The following CFAP44 variants were observed in gnomAD, a reference collection of about 807,000 sequenced individuals.
CFAP44 encodes the protein cilia and flagella associated protein 44.
CFAP44 carries 134 observed loss-of-function variants against 216.2 expected under a neutral mutation model. That is an observed-to-expected ratio of 0.62 (90% CI 0.54 to 0.72). The LOEUF is 0.72. Among genes scored for constraint, CFAP44 ranks in the 30% least tolerant of loss-of-function variants. The pLI, the probability that CFAP44 is intolerant of heterozygous loss-of-function variation, is 0.00. For synonymous variants in CFAP44, 700 were observed against 727.6 expected, an observed-to-expected ratio of 0.96 and a Z score of 0.61; for missense variants, 2,035 against 2,182.1, an observed-to-expected ratio of 0.93 and a Z score of 1.34.
In CFAP44 at chr3:113,303,949, G is replaced by A. The variant is rs1350590190; in HGVS notation, c.5044C>T (p.Arg1682Ter). The A allele has an allele frequency of 5.9e-6, 9 of 1,537,376 alleles. No homozygotes were observed. Among genetic ancestry groups the A allele is most frequent in the East Asian group, 2.4e-5 (1 of 40,920 alleles). The stretch of plus-strand genomic sequence containing the variant: ...GTTTTTGTCATTTCTCTCTTTTCTC[G>A]GATGAGCTGTTTACGTCTCTCTCTC... ...EWRERRKQLI[R>*]EKREMTKTIH... The change falls in exon 32 of 35, where the codon CGA becomes TGA. Residue 1682 changes from arginine to a stop codon, truncating the protein, a stop_gained. Coordinates refer to ENST00000393845, the MANE Select transcript of CFAP44 (RefSeq NM_001164496.2). LOFTEE classifies it high-confidence loss of function.
At chr3:113,294,027 A>G in intron 34 of CFAP44, 1 of 456,702 alleles carries the variant, frequency 2.2e-6, no homozygotes, top group Middle Eastern at 3.3e-4. Context: ...AGCTTAGACC[A>G]TTTCCAGGGT....
intron 25 of CFAP44, among the ~76,000 whole-genome samples, chr3:113,332,279 TA>T (rs1441554298): frequency 6.6e-6 from 1 of 152,202 alleles, no homozygotes; most frequent in Non-Finnish European, 1.5e-5. Context: ...TGGTCATTAC[TA>T]AAATGTCCAA....
rs774445732 is a variant in CFAP44 at position 113,420,055 on chromosome 3, G to A, written c.532C>T (p.Leu178=). The change falls in exon 5 of 35, where the codon CTG becomes TTG. Residue 178 remains leucine, a synonymous_variant. Transcript: ENST00000393845. ...LNLKTKEQIY[L]RSSSGEGIGV... ...ATTCCTTCACCACTGCTACTTCGCA[G>A]GTAGATCTGTTCCTTGGTTTTCAAA... 1 of 1,613,674 alleles carries A rather than the reference G, an allele frequency of 6.2e-7. No individual in the cohort carries two copies. Among genetic ancestry groups the A allele is most frequent in the Admixed American group, 1.7e-5 (1 of 59,970 alleles).
chr3:113,350,388 G>C (rs1480651272), intron 22 of CFAP44, among the ~76,000 whole-genome samples: 1 of 152,000 alleles, frequency 6.6e-6, no homozygotes, highest in African/African-American at 2.4e-5. Flanking sequence ...AAGTCAAAGA[G>C]AGAGAGGAAG....
In CFAP44 at chr3:113,305,037, T is replaced by C. The variant is rs748163260; in HGVS notation, c.4874A>G (p.Gln1625Arg). Reference protein sequence around the residue: ...LLVVIPLKLHQIEYVVFGEIP... With the variant: ...LLVVIPLKLHRIEYVVFGEIP... ...GAGCAGCCTCCCCAGACGCATCACCTGGTGGAGCTTGAGCGGAATCACAAC... is the reference window on the plus strand; with the variant it reads ...GAGCAGCCTCCCCAGACGCATCACCCGGTGGAGCTTGAGCGGAATCACAAC... Residue 1625 changes from glutamine (Q) to arginine (R), a missense_variant and splice_region_variant, in exon 31 of 35, where the codon CAG becomes CGG. Coordinates refer to ENST00000393845, the MANE Select transcript of CFAP44 (RefSeq NM_001164496.2). 6.5e-7 allele frequency: 1 copy of C among 1,537,172 alleles called. No individual in the cohort carries two copies. The highest frequency in any genetic ancestry group is 1.2e-5 in the South Asian group (1 of 84,058).
chr3:113,305,208 A>T, intron 30 of CFAP44, 56 bp from the exon 31 acceptor site: 1 of 1,427,202 alleles, frequency 7.0e-7, no homozygotes. Flanking sequence ...CATACATCTA[A>T]AGATGGTGAA....
intron 19 of CFAP44, among the ~76,000 whole-genome samples, chr3:113,365,301 A>T (rs1022194881): frequency 3.3e-5 from 5 of 152,158 alleles, no homozygotes; most frequent in African/African-American, 9.7e-5. Flanking sequence ...TCTTCCCTAC[A>T]TTCTTTATGT....
At chr3:113,361,262 T>G (rs1337066199) in intron 21 of CFAP44, 1 of 219,650 alleles carries the variant, frequency 4.6e-6, no homozygotes, top group Non-Finnish European at 9.9e-6. Flanking sequence ...GTCCTACTTT[T>G]GGCATGCCTG....
chr3:113,408,866 A>C (rs1343255310), intron 7 of CFAP44, among the ~76,000 whole-genome samples: 3 of 127,012 alleles, frequency 2.4e-5, no homozygotes, highest in African/African-American at 8.5e-5. Context: ...TCCATTTCAA[A>C]AAAAAAAAAA....
chr3:113,306,544 T>C (rs148002022), intron 29 of CFAP44, among the ~76,000 whole-genome samples: 1 of 152,318 alleles, frequency 6.6e-6, no homozygotes, highest in East Asian at 1.9e-4. Context: ...TTGTGAGCAG[T>C]ACTCTGAAGC....
intron 8 of CFAP44, among the ~76,000 whole-genome samples, chr3:113,405,924 C>T (rs897214562): frequency 1.3e-5 from 2 of 152,238 alleles, no homozygotes; most frequent in African/African-American, 4.8e-5. Flanking sequence ...CTCCTATATA[C>T]CATGCTTTTG....
At chr3:113,416,172 C>A (rs1286571837) in intron 6 of CFAP44, among the ~76,000 whole-genome samples, 1 of 139,368 alleles carries the variant, frequency 7.2e-6, no homozygotes, top group East Asian at 2.3e-4. Context: ...AAGATTGCAA[C>A]CCTTGGTGTT....
chr3:113,329,510 G>A (rs1464319426), intron 26 of CFAP44, among the ~76,000 whole-genome samples: 1 of 152,172 alleles, frequency 6.6e-6, no homozygotes, highest in Non-Finnish European at 1.5e-5. Flanking sequence ...GCTACTGAGG[G>A]CATCACCACA....
intron 22 of CFAP44, among the ~76,000 whole-genome samples, chr3:113,356,828 C>A (rs1420232851): frequency 6.6e-6 from 1 of 151,978 alleles, no homozygotes; most frequent in Non-Finnish European, 1.5e-5. Context: ...AAAGAAAAAA[C>A]TTCTATTCAA....
chr3:113,350,666 G>T (rs548985492), intron 22 of CFAP44, among the ~76,000 whole-genome samples: 2 of 152,350 alleles, frequency 1.3e-5, no homozygotes, highest in East Asian at 3.9e-4. Context: ...CCTTGGCCCA[G>T]TGGCCCACAG....
At position 113,385,810 on chromosome 3, in the gene CFAP44, A is replaced by ATTT. The variant is rs34847590; in HGVS notation, c.1891-4753_1891-4751dup. 2.0e-3 allele frequency among the ~76,000 whole-genome samples: 284 copies of ATTT among 144,926 alleles called. 4 individuals carry two copies. The highest frequency in any genetic ancestry group is 4.0e-3 in the South Asian group (18 of 4,532). On this transcript the variant is annotated intron_variant, in intron 15 of 34. Coordinates refer to ENST00000393845, the MANE Select transcript of CFAP44 (RefSeq NM_001164496.2). Reference sequence around the variant, plus strand: ...ATGCCACCACAAAGCTAATTTTTGTATTTTTTTTTTTTTGGTAGAGACAGG... The same window carrying ATTT: ...ATGCCACCACAAAGCTAATTTTTGTATTTTTTTTTTTTTTTTGGTAGAGACAGG...
chr3:113,300,486 T>C (rs1469351562), intron 32 of CFAP44, among the ~76,000 whole-genome samples: 1 of 150,414 alleles, frequency 6.6e-6, no homozygotes, highest in African/African-American at 2.4e-5. Flanking sequence ...AATATATATA[T>C]ATATATACCT....
chr3:113,306,476 G>T, intron 29 of CFAP44, 145 bp from the exon 30 acceptor site: 1 of 933,636 alleles, frequency 1.1e-6, no homozygotes, highest in Non-Finnish European at 1.6e-6. Context: ...TGGCTTAATT[G>T]TTCCAGGTTG....
chr3:113,343,608 G>A (rs1047720984), intron 23 of CFAP44, among the ~76,000 whole-genome samples: 4 of 152,196 alleles, frequency 2.6e-5, no homozygotes, highest in African/African-American at 9.6e-5. Context: ...AATTCAGACA[G>A]GAGAGAAGTG....
Sources: gnomAD v4.1 joint callset for allele counts (sites outside exome capture counted in the v4.1 genomes callset) on GRCh38, gnomAD v4.1.1 for gene constraint, MANE v1.5 for transcripts, NCBI Gene and HGNC (gene_info 2026-07-23, HGNC 2026-07-21) for gene names.